Variants in ATP5F1E observed in about 807,000 individuals in gnomAD.
ATP5F1E encodes ATP synthase F(1) complex subunit epsilon, mitochondrial.
A neutral mutation model predicts 7.0 loss-of-function variants in ATP5F1E; 5 were observed. The ratio of observed to expected loss-of-function variants is 0.71; its 90% CI spans 0.37 to 1.49. The LOEUF is 1.49. Ranked by LOEUF, ATP5F1E falls within the 40% of genes most tolerant of loss-of-function variation. The pLI, the probability that ATP5F1E is intolerant of heterozygous loss-of-function variation, is 0.03. For synonymous variants in ATP5F1E, 20 were observed against 20.1 expected (o/e 0.99, Z 0.02); for missense variants, 59 against 57.1 (o/e 1.03, Z -0.11).
At chr20:59,030,278 T>G in intron 2 of ATP5F1E, 25 bp downstream of exon 2, 1 of 1,611,986 alleles carries the variant, frequency 6.2e-7, no homozygotes, top group Non-Finnish European at 8.5e-7. Flanking sequence ...ATGCAACTGT[T>G]CTTCTAAATA....
chr20:59,027,652 C>T lies in ATP5F1E; in HGVS notation c.*1193G>A, dbSNP rs2092001498. 1 of 152,158 alleles carries T rather than the reference C, an allele frequency of 6.6e-6. No individual in the cohort carries two copies. The highest frequency in any genetic ancestry group is 1.5e-5 in the Non-Finnish European group (1 of 68,040). 9.4% of individuals were successfully genotyped at this position (152,158 alleles called of 1,614,324 possible). On this transcript the variant is annotated 3_prime_UTR_variant, in exon 3 of 3. Coordinates refer to ENST00000243997, the MANE Select transcript of ATP5F1E (RefSeq NM_006886.4). ...ACTGAACTGAGGTGCCCTAACTTGC[C>T]AACAGCAGGATGACAGCTCCGAGGC...
rs2092019383 is a variant in ATP5F1E, at chr20:59,030,412, T to A, written c.50A>T (p.Gln17Leu). 1 of 1,613,878 alleles carries A rather than the reference T, an allele frequency of 6.2e-7. No homozygotes were observed. The change falls in exon 2 of 3, where the codon CAG becomes CTG. Residue 17 changes from glutamine (Q) to leucine (L), a missense_variant. Gln to Leu is a moderately radical substitution (Grantham distance 113, BLOSUM62 -2). Coordinates refer to ENST00000243997, the MANE Select transcript of ATP5F1E (RefSeq NM_006886.4). ...QAGLSYIRYS[Q>L]ICAKAVRDAL... ...ATCTCTCACTGCTTTTGCACAGATC[T>A]GGGAGTATCGGATGTAGCTGGGAGA...
intron 2 of ATP5F1E, 166 bp downstream of exon 2, chr20:59,030,137 G>A: frequency 1.3e-6 from 1 of 792,066 alleles, no homozygotes; most frequent in Non-Finnish European, 1.9e-6. Context: ...TATTAGGCCA[G>A]GGGACTTCTA....
intron 2 of ATP5F1E, chr20:59,029,655 A>G (rs574717125): frequency 1.3e-5 from 2 of 152,596 alleles, no homozygotes; most frequent in South Asian, 2.1e-4. Context: ...TGTGGAACAC[A>G]AAAGTCTACA....
Position 59,025,898 on chromosome 20 carries a change from G to GT in ATP5F1E, c.*2946dup, listed in dbSNP as rs1285622969. The GT allele has an allele frequency of 6.6e-6, 1 of 152,186 alleles. No homozygotes were observed. Among genetic ancestry groups the GT allele is most frequent in the Non-Finnish European group, 1.5e-5 (1 of 68,028 alleles). 9.4% of individuals were successfully genotyped at this position (152,186 alleles called of 1,614,324 possible). Reference sequence around the variant, plus strand: ...ATAACAGGACCAAATACACAAGAGCGTAATCAAATCATCTGTAACTTCTTA... The same window carrying GT: ...ATAACAGGACCAAATACACAAGAGCGTTAATCAAATCATCTGTAACTTCTTA... On this transcript the variant is annotated 3_prime_UTR_variant, in exon 3 of 3. Coordinates refer to ENST00000243997, the MANE Select transcript of ATP5F1E (RefSeq NM_006886.4).
rs754451622 is a variant in ATP5F1E at position 59,032,268 on chromosome 20, A to T, written c.-17T>A. 1.3e-5 allele frequency: 21 copies of T among 1,599,366 alleles called. No homozygotes were observed. The highest frequency in any genetic ancestry group is 1.8e-5 in the Non-Finnish European group (21 of 1,173,530). On this transcript the variant is annotated 5_prime_UTR_variant, in exon 1 of 3. Transcript: ENST00000243997. ...GGCCACCATGCTGTAGCGAAAGCGG[A>T]GCTCGTCGGGCCGAATCGCCAAGAC...
intron 1 of ATP5F1E, 68 bp downstream of exon 1, chr20:59,032,152 G>A: frequency 6.4e-7 from 1 of 1,551,116 alleles, no homozygotes; most frequent in Non-Finnish European, 8.7e-7. Context: ...TGTCCTGCAT[G>A]ACCTCTGGGC....
rs919017402 is a variant in ATP5F1E, at chr20:59,028,797, A to G, written c.*48T>C. 4 of 167,236 alleles carry G rather than the reference A, an allele frequency of 2.4e-5. No individual in the cohort carries two copies. Among genetic ancestry groups the G allele is most frequent in the Non-Finnish European group, 4.4e-5 (3 of 68,272 alleles). The allele number at this position is 167,236 out of a possible 1,614,324, so 10.4% of individuals were successfully genotyped here. ...TCAATCTGCCATAACATGTGCCCACACATCTTCACCTTGGAAATGTAGCAT... is the reference window on the plus strand; with the variant it reads ...TCAATCTGCCATAACATGTGCCCACGCATCTTCACCTTGGAAATGTAGCAT... On this transcript the variant is annotated 3_prime_UTR_variant, in exon 3 of 3. Transcript: ENST00000243997.
Position 59,030,416 on chromosome 20 carries a change from A to G in ATP5F1E, c.46T>C (p.Ser16Pro). The G allele has an allele frequency of 2.5e-6, 4 of 1,613,802 alleles. No homozygotes were observed. Among genetic ancestry groups the G allele is most frequent in the Non-Finnish European group, 3.4e-6 (4 of 1,179,836 alleles). Residue 16 changes from serine to proline, a missense_variant, in exon 2 of 3, where the codon TCC becomes CCC. Physicochemically the swap from Ser to Pro is moderately conservative, Grantham distance 74. Coordinates refer to ENST00000243997, the MANE Select transcript of ATP5F1E (RefSeq NM_006886.4). ...CTCACTGCTTTTGCACAGATCTGGGAGTATCGGATGTAGCTGGGAGAAAAT... is the reference window on the plus strand; with the variant it reads ...CTCACTGCTTTTGCACAGATCTGGGGGTATCGGATGTAGCTGGGAGAAAAT... ...RQAGLSYIRYSQICAKAVRDA... is the reference protein window; with the variant it reads ...RQAGLSYIRYPQICAKAVRDA...
rs1458353428 is a variant in ATP5F1E, at chr20:59,028,092, G to T, written c.*753C>A. ...TTTCATCCCTAAATAATGAATGAAT[G>T]AATCACTATGGAAATACCACGAAAC... On this transcript the variant is annotated 3_prime_UTR_variant, in exon 3 of 3. Coordinates refer to ENST00000243997, the MANE Select transcript of ATP5F1E (RefSeq NM_006886.4). The T allele has an allele frequency of 6.6e-6, 1 of 152,176 alleles. No homozygotes were observed. Among genetic ancestry groups the T allele is most frequent in the Admixed American group, 6.5e-5 (1 of 15,288 alleles). The allele number at this position is 152,176 out of a possible 1,614,324, so 9.4% of individuals were successfully genotyped here.
In ATP5F1E at chr20:59,032,305, C is replaced by T. The variant is rs941953122; in HGVS notation, c.-54G>A. 8 of 1,575,438 alleles carry T rather than the reference C, an allele frequency of 5.1e-6. No individual in the cohort carries two copies. The highest frequency in any genetic ancestry group is 3.5e-5 in the South Asian group (3 of 86,418). The stretch of plus-strand genomic sequence containing the variant: ...CGAATCGCCAAGACGCCGGCAATGT[C>T]GGCTCAGCCGGGCGGTTCAGCCGCA... On this transcript the variant is annotated 5_prime_UTR_variant, in exon 1 of 3. Coordinates refer to ENST00000243997, the MANE Select transcript of ATP5F1E (RefSeq NM_006886.4).
At chr20:59,030,263 T>G in intron 2 of ATP5F1E, 40 bp downstream of exon 2, 2 of 1,609,598 alleles carry the variant, frequency 1.2e-6, no homozygotes, top group South Asian at 1.1e-5. Context: ...CTCCAAAAAC[T>G]TAAGATGCAA....
intron 2 of ATP5F1E, chr20:59,029,622 T>C (rs1488563412): frequency 6.6e-6 from 1 of 152,292 alleles, no homozygotes; most frequent in African/African-American, 2.4e-5. Flanking sequence ...GAAAGTACTT[T>C]AGAGATCAAA....
At chr20:59,030,845 T>C (rs2039019618) in intron 1 of ATP5F1E, among the ~76,000 whole-genome samples, 1 of 152,200 alleles carries the variant, frequency 6.6e-6, no homozygotes, top group South Asian at 2.1e-4. Flanking sequence ...TCTTGGAAAA[T>C]GAGGTATACA....
Position 59,032,215 on chromosome 20 carries a change from C to T in ATP5F1E, c.32+5G>A. ...AAGCCCTTCCCTCTGGAGGCCTGGG[C>T]CTACCTGAGTCCAGCCTGTCTCCAG... On this transcript the variant is annotated splice_donor_5th_base_variant and intron_variant, in intron 1 of 2. Transcript: ENST00000243997. 2 of 1,580,758 alleles carry T rather than the reference C, an allele frequency of 1.3e-6. No homozygotes were observed. The highest frequency in any genetic ancestry group is 1.8e-5 in the Admixed American group (1 of 54,562).
intron 1 of ATP5F1E, among the ~76,000 whole-genome samples, chr20:59,031,376 T>C (rs1351370128): frequency 6.6e-6 from 1 of 152,208 alleles, no homozygotes; most frequent in Non-Finnish European, 1.5e-5. Flanking sequence ...AAACGGTATC[T>C]ACTACTGGGA....
rs3830898 is a variant in ATP5F1E, at chr20:59,026,665, TGAG to T, written c.*2177_*2179del. On this transcript the variant is annotated 3_prime_UTR_variant, in exon 3 of 3. Coordinates refer to ENST00000243997, the MANE Select transcript of ATP5F1E (RefSeq NM_006886.4). ...TTTCTTGAAGCCTAACCATCCAGAC[TGAG>T]TAGTTAAAAATATTTAGAAATGCAT... The T allele has an allele frequency of 6.6e-5, 10 of 152,366 alleles. No homozygotes were observed. The East Asian group carries it at 1.9e-3, about 29-fold the overall frequency. 9.4% of individuals were successfully genotyped at this position (152,366 alleles called of 1,614,324 possible).
At chr20:59,032,080 C>A (rs2092035672) in intron 1 of ATP5F1E, 140 bp downstream of exon 1, 3 of 1,220,396 alleles carry the variant, frequency 2.5e-6, no homozygotes, top group African/African-American at 3.1e-5. Flanking sequence ...ACAGCGACGC[C>A]ATCTTGGCGG....
chr20:59,032,303 G>T lies in ATP5F1E; in HGVS notation c.-52C>A. 1 of 1,580,274 alleles carries T rather than the reference G, an allele frequency of 6.3e-7. No homozygotes were observed. Among genetic ancestry groups the T allele is most frequent in the Non-Finnish European group, 8.6e-7 (1 of 1,162,938 alleles). On this transcript the variant is annotated 5_prime_UTR_variant, in exon 1 of 3. Transcript: ENST00000243997. ...GCCGAATCGCCAAGACGCCGGCAATGTCGGCTCAGCCGGGCGGTTCAGCCG... is the reference window on the plus strand; with the variant it reads ...GCCGAATCGCCAAGACGCCGGCAATTTCGGCTCAGCCGGGCGGTTCAGCCG...
Sources: gnomAD v4.1 joint callset for allele counts (sites outside exome capture counted in the v4.1 genomes callset) on GRCh38, gnomAD v4.1.1 for gene constraint, MANE v1.5 for transcripts, NCBI Gene and HGNC (gene_info 2026-07-23, HGNC 2026-07-21) for gene names.